AGL: variants seen among roughly 807,000 people sequenced by gnomAD.
AGL encodes amylo-alpha-1,6-glucosidase and 4-alpha-glucanotransferase, also known as glycogen debranching enzyme.
Under a neutral mutation model 199.3 loss-of-function variants are expected in AGL, and 128 were observed. The ratio of observed to expected loss-of-function variants is 0.64; its 90% CI spans 0.56 to 0.74. The LOEUF (loss-of-function observed/expected upper bound fraction) is 0.74, where lower values mean the gene tolerates loss of function less well. AGL is among the 30% of genes least tolerant of loss of function. The pLI is 0.00. For synonymous variants in AGL, 584 were observed against 594.7 expected (o/e 0.98, Z 0.26); for missense variants, 1,809 against 1,820.8 (o/e 0.99, Z 0.12).
chr1:99,915,535 A>G, intron 31 of AGL, 49 bp downstream of exon 31: 1 of 1,444,056 alleles, frequency 6.9e-7, no homozygotes, highest in Non-Finnish European at 9.7e-7. Flanking sequence ...TAATCCAAAT[A>G]CATTGACATC....
In AGL at chr1:99,850,962, T is replaced by G; in HGVS notation, c.-68-13T>G. ...AGTTATTTTCGATATTTTAACTCCT[T>G]TTTGTTTCATAGGGGTAACTCATTC... On this transcript the variant is annotated splice_polypyrimidine_tract_variant and intron_variant, in intron 1 of 33. Transcript: ENST00000361915. 3 of 1,193,386 alleles carry G rather than the reference T, an allele frequency of 2.5e-6. No homozygotes were observed. Among genetic ancestry groups the G allele is most frequent in the Non-Finnish European group, 2.5e-6 (2 of 799,256 alleles). 73.9% of individuals were successfully genotyped at this position (1,193,386 alleles called of 1,614,324 possible).
chr1:99,907,124 C>T (rs957768771), intron 27 of AGL, among the ~76,000 whole-genome samples: 2 of 152,058 alleles, frequency 1.3e-5, no homozygotes, highest in East Asian at 3.9e-4. Context: ...TGTTAACCAT[C>T]TTTTTATATG....
rs1655562401 is a variant in AGL, at chr1:99,922,245, T to C, written c.*594T>C. On this transcript the variant is annotated 3_prime_UTR_variant, in exon 34 of 34. Transcript: ENST00000361915. ...ATTTTTGTGTAATGAATGCCAACAG[T>C]ATATTTTATATGATTTACTTATGTG... is the stretch of plus-strand genomic sequence containing the variant. 6.6e-6 allele frequency: 1 copy of C among 151,894 alleles called. No individual in the cohort carries two copies. Among genetic ancestry groups the C allele is most frequent in the South Asian group, 2.1e-4 (1 of 4,812 alleles). 9.4% of individuals were successfully genotyped at this position (151,894 alleles called of 1,614,324 possible).
At chr1:99,849,940 G>C (rs545919596), upstream of AGL, 1 of 152,454 alleles carries the variant, frequency 6.6e-6, no homozygotes, top group South Asian at 2.1e-4. Context: ...GCCTTGGCCG[G>C]TGCACCTTCC....
chr1:99,902,102 A>G (rs1484465586), intron 26 of AGL, among the ~76,000 whole-genome samples: 1 of 152,124 alleles, frequency 6.6e-6, no homozygotes, highest in East Asian at 1.9e-4. Context: ...GACTCTAAAC[A>G]TTTTGCTTCT....
intron 4 of AGL, among the ~76,000 whole-genome samples, chr1:99,863,499 GTGTTTCATT>G (rs1234546335): frequency 6.6e-6 from 1 of 152,014 alleles, no homozygotes; most frequent in Non-Finnish European, 1.5e-5. Flanking sequence ...AATGAAACTT[GTGTTTCATT>G]TTGGCGCAAT....
chr1:99,905,430 G>A (rs953347347), intron 27 of AGL, among the ~76,000 whole-genome samples: 4 of 151,906 alleles, frequency 2.6e-5, no homozygotes, highest in Non-Finnish European at 4.4e-5. Context: ...ATGAGGCTTC[G>A]CCATGTTTTG....
At chr1:99,915,262 A>G (rs886922541) in intron 30 of AGL, 127 bp from the exon 31 acceptor site, 6 of 788,622 alleles carry the variant, frequency 7.6e-6, no homozygotes, top group Non-Finnish European at 6.6e-6. Flanking sequence ...TTAGGCATCT[A>G]CACTCAAATT....
chr1:99,897,294 C>A (rs1017713755), intron 25 of AGL, among the ~76,000 whole-genome samples: 2 of 152,164 alleles, frequency 1.3e-5, no homozygotes, highest in African/African-American at 4.8e-5. Flanking sequence ...CAAATCCAAA[C>A]CTGGACATAG....
At chr1:99,897,850 A>T (rs931158534) in intron 25 of AGL, among the ~76,000 whole-genome samples, 2 of 152,016 alleles carry the variant, frequency 1.3e-5, no homozygotes, top group Non-Finnish European at 2.9e-5. Flanking sequence ...ACATGCCTAG[A>T]GTAATATCTG....
chr1:99,889,730 C>T (rs533284918), intron 21 of AGL, among the ~76,000 whole-genome samples: 1 of 152,178 alleles, frequency 6.6e-6, no homozygotes, highest in African/African-American at 2.4e-5. Flanking sequence ...CTTTTTCTAG[C>T]CTTTGTCTTT....
rs1652309046 is a variant in AGL at position 99,884,622 on chromosome 1, T to C, written c.2600T>C (p.Leu867Pro). ...GCTGTTGGAATTCTTCGAAATCATCTGACACAATTCAGTCCTCACTTTAAA... is the reference window on the plus strand; with the variant it reads ...GCTGTTGGAATTCTTCGAAATCATCCGACACAATTCAGTCCTCACTTTAAA... ...QVAVGILRNH[L>P]TQFSPHFKSG... is the part of the protein sequence containing the mutation. Residue 867 changes from leucine to proline, a missense_variant, in exon 20 of 34, where the codon CTG becomes CCG. Leu to Pro is a moderately conservative substitution (Grantham distance 98). Transcript: ENST00000361915. The C allele has an allele frequency of 6.2e-7, 1 of 1,613,948 alleles. No individual in the cohort carries two copies. Among genetic ancestry groups the C allele is most frequent in the Non-Finnish European group, 8.5e-7 (1 of 1,179,860 alleles).
chr1:99,917,803 A>T (rs768476197), intron 33 of AGL, among the ~76,000 whole-genome samples: 2 of 152,170 alleles, frequency 1.3e-5, no homozygotes, highest in Non-Finnish European at 2.9e-5. Flanking sequence ...TCCTTAAAAT[A>T]GTATAGTTTT....
chr1:99,886,401 G>T (rs1652456067), intron 20 of AGL, among the ~76,000 whole-genome samples: 1 of 152,036 alleles, frequency 6.6e-6, no homozygotes, highest in Non-Finnish European at 1.5e-5. Flanking sequence ...ATCAGCATCA[G>T]TTGAGCCCAG....
At chr1:99,865,664 A>G (rs920363614) in intron 5 of AGL, among the ~76,000 whole-genome samples, 2 of 152,232 alleles carry the variant, frequency 1.3e-5, no homozygotes, top group African/African-American at 4.8e-5. Flanking sequence ...CAATGTAGAA[A>G]AGTTTGGAAA....
At chr1:99,903,450 A>G (rs1022723985) in intron 27 of AGL, among the ~76,000 whole-genome samples, 77 of 152,230 alleles carry the variant, frequency 5.1e-4, no homozygotes, top group African/African-American at 2.2e-4. Context: ...CCATGTCCCT[A>G]CAAAGGACAT....
chr1:99,861,167 A>G (rs1649999579), intron 2 of AGL: 1 of 1,178,568 alleles, frequency 8.5e-7, no homozygotes, highest in African/African-American at 1.6e-5. Flanking sequence ...GCCATTGGGT[A>G]CTTAATTCAG....
At chr1:99,892,800 G>C (rs1653011067) in intron 24 of AGL, among the ~76,000 whole-genome samples, 193 bp downstream of exon 24, 1 of 149,860 alleles carries the variant, frequency 6.7e-6, no homozygotes. Context: ...TGTGCACCAG[G>C]CATTTATGTG....
intron 33 of AGL, among the ~76,000 whole-genome samples, chr1:99,920,123 G>T (rs1655414769): frequency 6.6e-6 from 1 of 152,162 alleles, no homozygotes; most frequent in African/African-American, 2.4e-5. Flanking sequence ...ACCTCATTTT[G>T]TTTTTTAATT....
Sources: gnomAD v4.1 joint callset for allele counts (sites outside exome capture counted in the v4.1 genomes callset) on GRCh38, gnomAD v4.1.1 for gene constraint, MANE v1.5 for transcripts, NCBI Gene and HGNC (gene_info 2026-07-23, HGNC 2026-07-21) for gene names.